KIAA1217: variants seen among roughly 807,000 people sequenced by gnomAD.
The protein encoded by KIAA1217 is KIAA1217, also known as sickle tail protein homolog.
In KIAA1217, 88 loss-of-function variants were observed where a neutral mutation model predicts 163.9. That is an observed-to-expected ratio of 0.54 (90% confidence interval 0.45 to 0.64). The LOEUF is 0.64. Among genes scored for constraint, KIAA1217 ranks in the 30% least tolerant of loss-of-function variants. The pLI, the probability that KIAA1217 is intolerant of heterozygous loss-of-function variation, is 0.00. For synonymous variants in KIAA1217, 903 were observed against 923.1 expected (o/e 0.98, Z 0.39); for missense variants, 2,372 against 2,475.0 (o/e 0.96, Z 0.88).
intron 2 of KIAA1217, among the ~76,000 whole-genome samples, chr10:24,068,195 T>C (rs2061045139): frequency 6.6e-6 from 1 of 152,146 alleles, no homozygotes; most frequent in African/African-American, 2.4e-5. Context: ...ACCCAGTACC[T>C]CTGTTGGAAA....
intron 2 of KIAA1217, among the ~76,000 whole-genome samples, chr10:24,350,794 A>G (rs1215739384): frequency 2.0e-5 from 3 of 151,088 alleles, no homozygotes; most frequent in Non-Finnish European, 2.9e-5. Flanking sequence ...GTTAGCTGAC[A>G]GGAAATACAC....
chr10:24,230,058 T>C (rs2071155736), intron 2 of KIAA1217, among the ~76,000 whole-genome samples: 1 of 152,148 alleles, frequency 6.6e-6, no homozygotes. Context: ...ATGCAAACTA[T>C]GAAGAACACA....
chr10:23,810,767 CTATA>C (rs996822872), intron 1 of KIAA1217, among the ~76,000 whole-genome samples: 1 of 123,718 alleles, frequency 8.1e-6, no homozygotes, highest in Non-Finnish European at 1.6e-5. Context: ...TATTATATAA[CTATA>C]TATACTAATT....
intron 2 of KIAA1217, among the ~76,000 whole-genome samples, chr10:24,339,672 A>G (rs2046816547): frequency 6.6e-6 from 1 of 152,230 alleles, no homozygotes; most frequent in Non-Finnish European, 1.5e-5. Flanking sequence ...CAAGAGAGGA[A>G]ATAAGGGCTG....
At position 23,913,189 on chromosome 10, in the gene KIAA1217, A is replaced by C. The variant is rs566607232; in HGVS notation, c.-320-94036A>C. Among the ~76,000 whole-genome samples, 14 of 152,280 alleles carry C rather than the reference A, an allele frequency of 9.2e-5. No individual in the cohort carries two copies. In the East Asian group the frequency reaches 2.7e-3, roughly 29 times the overall value. ...GGAGACCTTGCTTTGACTGAGCAGA[A>C]TTCCCCCAGGGGCTGCATTAGCCTC... On this transcript the variant is annotated intron_variant, in intron 1 of 18. Coordinates refer to the KIAA1217 transcript ENST00000376462.
chr10:24,524,547 TCCAGCCCTC>T lies in KIAA1217; in HGVS notation c.2687_2695del (p.Pro896_Gln898del), dbSNP rs770347332. 45 of 1,613,898 alleles carry T rather than the reference TCCAGCCCTC, an allele frequency of 2.8e-5. No homozygotes were observed. The Admixed American group carries it at 3.2e-4, about 11-fold the overall frequency. On this transcript the variant is annotated inframe_deletion, in exon 13 of 21. Transcript: ENST00000376454. ...CACGCGCAGAGCTCCCCTGTGGTCA[TCCAGCCCTC>T]CCAGCACTCCGTGGCCCTGCTGAAC...
intron 1 of KIAA1217, among the ~76,000 whole-genome samples, chr10:23,955,730 C>CT (rs1327902271): frequency 1.3e-5 from 2 of 152,130 alleles, no homozygotes; most frequent in African/African-American, 4.8e-5. Flanking sequence ...ATATATTTGG[C>CT]TTTTTTGCTA....
chr10:23,824,557 G>A (rs1438217830), intron 1 of KIAA1217, among the ~76,000 whole-genome samples: 5 of 142,626 alleles, frequency 3.5e-5, no homozygotes, highest in African/African-American at 5.2e-5. Context: ...GAACCCGGGA[G>A]GCAGAGGTTG....
At chr10:23,857,922 A>G (rs191309843) in intron 1 of KIAA1217, among the ~76,000 whole-genome samples, 263 of 152,000 alleles carry the variant, frequency 1.7e-3, no homozygotes, top group Non-Finnish European at 2.8e-3. Context: ...TTATTAAGTT[A>G]TATGTCAAAA....
intron 1 of KIAA1217, among the ~76,000 whole-genome samples, chr10:23,942,156 G>T (rs1843802213): frequency 6.6e-6 from 1 of 152,086 alleles, no homozygotes; most frequent in Non-Finnish European, 1.5e-5. Context: ...ATATCATCAA[G>T]ATACTAGACA....
chr10:24,091,559 G>A (rs2061938904), intron 2 of KIAA1217, among the ~76,000 whole-genome samples: 1 of 151,830 alleles, frequency 6.6e-6, no homozygotes, highest in Non-Finnish European at 1.5e-5. Flanking sequence ...GAACTTTCAT[G>A]AGCATGCTGC....
At chr10:24,101,375 A>T (rs942571707) in intron 2 of KIAA1217, among the ~76,000 whole-genome samples, 1 of 142,474 alleles carries the variant, frequency 7.0e-6, no homozygotes, top group African/African-American at 2.6e-5. Context: ...TAAATAATGT[A>T]AAAAAAAAGT....
chr10:24,328,409 A>G (rs1014651406), intron 2 of KIAA1217, among the ~76,000 whole-genome samples: 54 of 152,064 alleles, frequency 3.6e-4, no homozygotes, highest in Admixed American at 1.1e-3. Context: ...CTTGATGCTA[A>G]CTGGGAGGCC....
At chr10:23,977,437 G>A (rs1466073113) in intron 1 of KIAA1217, among the ~76,000 whole-genome samples, 8 of 152,118 alleles carry the variant, frequency 5.3e-5, no homozygotes, top group South Asian at 2.1e-4. Flanking sequence ...ATAAGTGACA[G>A]AGTTAGATGA....
chr10:23,918,176 A>C (rs1473832021), intron 1 of KIAA1217, among the ~76,000 whole-genome samples: 1 of 137,226 alleles, frequency 7.3e-6, no homozygotes, highest in Non-Finnish European at 1.5e-5. Context: ...TTTTTTAAAG[A>C]GATAGGGTCT....
At chr10:24,490,923 C>A (rs1273151470) in intron 6 of KIAA1217, among the ~76,000 whole-genome samples, 4 of 152,194 alleles carry the variant, frequency 2.6e-5, no homozygotes, top group Non-Finnish European at 5.9e-5. Context: ...AAAAGGCAAG[C>A]CAAGCATGTG....
At chr10:24,417,456 C>A (rs1591761435) in intron 3 of KIAA1217, among the ~76,000 whole-genome samples, 2 of 152,316 alleles carry the variant, frequency 1.3e-5, no homozygotes, top group East Asian at 3.9e-4. Flanking sequence ...TGAATAAATG[C>A]ACGCCTAAGT....
Position 24,543,148 on chromosome 10 carries a change from T to C in KIAA1217, c.3878T>C (p.Ile1293Thr), listed in dbSNP as rs757834514. The change falls in exon 19 of 21, where the codon ATA (isoleucine) becomes ACA (threonine). Residue 1293 changes from isoleucine to threonine, a missense_variant. Physicochemically the swap from Ile to Thr is moderately conservative, Grantham distance 89 (BLOSUM62 -1). Transcript: ENST00000376454. Reference protein sequence around the residue: ...GSKISGLQYSIPDTENQTLNY... With the variant: ...GSKISGLQYSTPDTENQTLNY... ...AAAATCTCAGGCCTGCAATACTCTA[T>C]ACCTGACACCGAGAACCAGACGCTG... The C allele has an allele frequency of 1.2e-6, 2 of 1,612,930 alleles. No homozygotes were observed. The highest frequency in any genetic ancestry group is 1.7e-6 in the Non-Finnish European group (2 of 1,179,788).
intron 1 of KIAA1217, among the ~76,000 whole-genome samples, chr10:23,993,141 C>T (rs1846296865): frequency 1.3e-5 from 2 of 150,316 alleles, no homozygotes; most frequent in South Asian, 2.1e-4. Context: ...AAGCAATTCT[C>T]CTGCCTCAGC....
Sources: gnomAD v4.1 joint callset for allele counts (sites outside exome capture counted in the v4.1 genomes callset) on GRCh38, gnomAD v4.1.1 for gene constraint, MANE v1.5 for transcripts, NCBI Gene and HGNC (gene_info 2026-07-23, HGNC 2026-07-21) for gene names.